The following CTTNBP2 variants were observed in gnomAD, a reference collection of about 807,000 sequenced individuals.
The protein encoded by CTTNBP2 is cortactin-binding protein 2.
In CTTNBP2, 108 loss-of-function variants were observed where a neutral mutation model predicts 156.9. That is an observed-to-expected ratio of 0.69 (90% CI 0.59 to 0.81). The LOEUF is 0.81. CTTNBP2 is among the 30% of genes least tolerant of loss of function. The probability of loss-of-function intolerance (pLI) is 0.00; values close to 1 mark genes in which losing one functional copy is unlikely to be tolerated. For missense variants in CTTNBP2, 1,924 were observed against 2,035.4 expected (o/e 0.95, Z 1.05); for synonymous variants, 767 against 751.8 (o/e 1.02, Z -0.33).
At chr7:117,790,714 TC>T (rs956339113) in intron 4 of CTTNBP2, among the ~76,000 whole-genome samples, 7 of 152,026 alleles carry the variant, frequency 4.6e-5, no homozygotes, top group African/African-American at 1.4e-4. Context: ...ACTTGAAAGG[TC>T]TTTAAAAATG....
At chr7:117,740,661 T>C (rs1297533211) in intron 14 of CTTNBP2, among the ~76,000 whole-genome samples, 2 of 152,206 alleles carry the variant, frequency 1.3e-5, no homozygotes, top group Non-Finnish European at 2.9e-5. Context: ...TGGAATAGCC[T>C]AGAAAACCCC....
intron 9 of CTTNBP2, among the ~76,000 whole-genome samples, chr7:117,765,775 T>C (rs1165635106): frequency 6.6e-6 from 1 of 152,182 alleles, no homozygotes; most frequent in Non-Finnish European, 1.5e-5. Flanking sequence ...GGTTGATTTG[T>C]CCCAGAAAGA....
Position 117,792,499 on chromosome 7 carries a change from CAG to C in CTTNBP2, c.695_696del (p.Ser232Ter). The C allele has an allele frequency of 6.2e-7, 1 of 1,614,188 alleles. No individual in the cohort carries two copies. Among genetic ancestry groups the C allele is most frequent in the Non-Finnish European group, 8.5e-7 (1 of 1,180,024 alleles). On this transcript the variant is annotated frameshift_variant, in exon 4 of 23. Transcript: ENST00000160373. LOFTEE classifies it high-confidence loss of function. This position sits in a 1 kb window ranked among gnomAD's most constrained non-coding sequence, Gnocchi z 4.2. ...EMEAQMEKQL[S>X]EFDTEREQLR... Reference sequence around the variant, plus strand: ...AGCTGTTCCCGCTCAGTGTCAAACTCAGAGAGTTGTTTTTCCATCTGAGCTTC... The same window carrying C: ...AGCTGTTCCCGCTCAGTGTCAAACTCAGAGTTGTTTTTCCATCTGAGCTTC...
intron 21 of CTTNBP2, among the ~76,000 whole-genome samples, chr7:117,718,829 A>T (rs1794614726): frequency 6.6e-6 from 1 of 152,244 alleles, no homozygotes; most frequent in Non-Finnish European, 1.5e-5. Context: ...TCTTACTGAT[A>T]GATGACTGAT....
intron 2 of CTTNBP2, among the ~76,000 whole-genome samples, chr7:117,847,819 CTTTTTTTTTTTTTTTTTTT>C (rs201419286): frequency 2.2e-5 from 2 of 91,356 alleles, no homozygotes; most frequent in Admixed American, 2.3e-4. Context: ...TTTGCCTAAC[CTTTTTTTTTTTTTTTTTTT>C]TTTTTTTTTT....
chr7:117,762,480 G>A (rs1429071521), intron 9 of CTTNBP2, among the ~76,000 whole-genome samples: 1 of 152,142 alleles, frequency 6.6e-6, no homozygotes, highest in Non-Finnish European at 1.5e-5. Flanking sequence ...TTCAATCCAT[G>A]AGGAAGTTCT....
chr7:117,790,789 G>C (rs980561158), intron 4 of CTTNBP2, among the ~76,000 whole-genome samples: 3 of 152,116 alleles, frequency 2.0e-5, no homozygotes, highest in Admixed American at 1.3e-4. Context: ...GGTCTTGCGA[G>C]ATAAATATTT....
chr7:117,860,358 T>A (rs1288071399), intron 2 of CTTNBP2, among the ~76,000 whole-genome samples: 1 of 152,102 alleles, frequency 6.6e-6, no homozygotes, highest in Non-Finnish European at 1.5e-5. Flanking sequence ...TTCTTTTTTT[T>A]TTGAGATGGA....
intron 8 of CTTNBP2, among the ~76,000 whole-genome samples, chr7:117,770,947 T>C (rs1797765612): frequency 6.6e-6 from 1 of 152,196 alleles, no homozygotes; most frequent in Non-Finnish European, 1.5e-5. Context: ...TATTAGGATA[T>C]AGAGACATCT....
At chr7:117,854,767 A>AT (rs1236055476) in intron 2 of CTTNBP2, among the ~76,000 whole-genome samples, 14 of 151,788 alleles carry the variant, frequency 9.2e-5, no homozygotes, top group African/African-American at 3.4e-4. Flanking sequence ...AAAATAGATG[A>AT]TTTAATTAAT....
chr7:117,728,877 T>G (rs1795249859), intron 16 of CTTNBP2, among the ~76,000 whole-genome samples: 1 of 152,234 alleles, frequency 6.6e-6, no homozygotes, highest in Non-Finnish European at 1.5e-5. Context: ...TAATCACTAT[T>G]AAGCTAAAGA....
chr7:117,871,476 T>G (rs1326748450), intron 1 of CTTNBP2: 1 of 161,744 alleles, frequency 6.2e-6, no homozygotes, highest in East Asian at 1.9e-4. Context: ...AAGGTTCACT[T>G]TCGCAGATTT....
In CTTNBP2 at chr7:117,792,620, G is replaced by C; in HGVS notation, c.576C>G (p.Leu192=). 1 of 1,613,848 alleles carries C rather than the reference G, an allele frequency of 6.2e-7. No homozygotes were observed. Among genetic ancestry groups the C allele is most frequent in the Non-Finnish European group, 8.5e-7 (1 of 1,179,992 alleles). The part of the protein sequence containing the change: ...SGKVIEEAQK[L]EDVMAKLEEE... ...CTTCCAGTTTGGCCATTACGTCTTCGAGCTTCTGGGCCTCCTCTATGACTT... is the reference window on the plus strand; with the variant it reads ...CTTCCAGTTTGGCCATTACGTCTTCCAGCTTCTGGGCCTCCTCTATGACTT... The change falls in exon 4 of 23, where the codon CTC becomes CTG. Residue 192 remains leucine, a synonymous_variant. Coordinates refer to ENST00000160373, the MANE Select transcript of CTTNBP2 (RefSeq NM_033427.3). The surrounding 1 kb of genome is among the most constrained non-coding windows in gnomAD (Gnocchi z 4.2).
intron 16 of CTTNBP2, among the ~76,000 whole-genome samples, chr7:117,734,451 T>C (rs148051091): frequency 2.2e-4 from 34 of 152,360 alleles, no homozygotes; most frequent in African/African-American, 7.7e-4. Context: ...TTTGTTATTC[T>C]GTGAAAGTCA....
chr7:117,757,079 C>T (rs943163593), intron 11 of CTTNBP2, among the ~76,000 whole-genome samples: 1 of 152,224 alleles, frequency 6.6e-6, no homozygotes, highest in Non-Finnish European at 1.5e-5. Context: ...ACCCCTCCCC[C>T]CAAGTTCTGC....
intron 2 of CTTNBP2, among the ~76,000 whole-genome samples, chr7:117,817,945 T>C (rs1240449166): frequency 1.3e-5 from 2 of 152,182 alleles, no homozygotes; most frequent in African/African-American, 4.8e-5. Context: ...AGTCTTACTC[T>C]AAAGCCTACA....
At chr7:117,854,381 A>G (rs899231274) in intron 2 of CTTNBP2, among the ~76,000 whole-genome samples, 5 of 152,200 alleles carry the variant, frequency 3.3e-5, no homozygotes, top group African/African-American at 1.2e-4. Context: ...TTATTCTTTT[A>G]TCAGGATTTA....
In CTTNBP2 at chr7:117,718,062, G is replaced by C. The variant is rs200111483; in HGVS notation, c.4702C>G (p.Leu1568Val). Residue 1568 changes from leucine to valine, a missense_variant, in exon 22 of 23, where the codon CTT (leucine) becomes GTT (valine). Coordinates refer to ENST00000160373, the MANE Select transcript of CTTNBP2 (RefSeq NM_033427.3). ...CTCAGATTATTAATAGTTGCTGAAA[G>C]TACAGGGTTGTTTCCAGAACTATCA... ...MFDSSGNNPV[L>V]SATINNLRMP... 6.2e-7 allele frequency: 1 copy of C among 1,613,220 alleles called. No individual in the cohort carries two copies. Among genetic ancestry groups the C allele is most frequent in the South Asian group, 1.1e-5 (1 of 91,038 alleles).
At chr7:117,731,939 A>G (rs911425107) in intron 16 of CTTNBP2, among the ~76,000 whole-genome samples, 15 of 152,220 alleles carry the variant, frequency 9.9e-5, no homozygotes, top group African/African-American at 3.6e-4. Flanking sequence ...CATTACTTAC[A>G]TATATGTGTA....
Sources: allele counts gnomAD v4.1 joint callset (sites outside exome capture counted in the v4.1 genomes callset), GRCh38; gene constraint gnomAD v4.1.1; non-coding constraint Gnocchi (gnomAD v3.1); transcripts MANE v1.5; gene names NCBI Gene and HGNC (gene_info 2026-07-23, HGNC 2026-07-21).